CBX1: variants seen among roughly 807,000 people sequenced by gnomAD.
The protein encoded by CBX1 is chromobox protein homolog 1.
Under a neutral mutation model 25.1 loss-of-function variants are expected in CBX1, and 10 were observed. The observed-to-expected ratio is 0.40, with a 90% CI of 0.25 to 0.68. The LOEUF (loss-of-function observed/expected upper bound fraction) is 0.68, where lower values mean the gene tolerates loss of function less well. Among genes scored for constraint, CBX1 ranks in the 30% least tolerant of loss-of-function variants. The probability of loss-of-function intolerance (pLI) is 0.40; values close to 1 mark genes in which losing one functional copy is unlikely to be tolerated. For synonymous variants in CBX1, 63 were observed against 79.4 expected (o/e 0.79, Z 1.10); for missense variants, 106 against 218.5 (o/e 0.49, Z 3.25).
intron 1 of CBX1, among the ~76,000 whole-genome samples, chr17:48,095,546 A>C (rs1428329217): frequency 1.3e-5 from 2 of 152,212 alleles, no homozygotes; most frequent in Admixed American, 1.3e-4. Context: ...AACAAGAACA[A>C]AACTCCATCT....
intron 1 of CBX1, among the ~76,000 whole-genome samples, chr17:48,091,032 T>G (rs2063341371): frequency 2.0e-5 from 3 of 152,290 alleles, no homozygotes. Context: ...GCAAATTTCT[T>G]TAGAATAACA....
Position 48,082,529 on chromosome 17 carries a change from A to G in CBX1, c.-37-5488T>C, listed in dbSNP as rs566835351. On this transcript the variant is annotated intron_variant, in intron 1 of 4. Coordinates refer to ENST00000225603, the MANE Select transcript of CBX1 (RefSeq NM_001127228.2). Reference sequence around the variant, plus strand: ...AAAAAAAAAAAAAAAAAAAAAAGGAAAAATGATCTATAATTTTATTTATTT... The same window carrying G: ...AAAAAAAAAAAAAAAAAAAAAAGGAGAAATGATCTATAATTTTATTTATTT... Among the ~76,000 whole-genome samples the G allele has an allele frequency of 3.0e-3, 425 of 142,912 alleles. 25 individuals are homozygous for G. Among genetic ancestry groups the G allele is most frequent in the African/African-American group, 0.012 (414 of 34,194 alleles). The allele number at this position is 142,912 out of a possible 152,430, so 93.8% of individuals were successfully genotyped here. A position where few individuals can be genotyped will look rare whatever the true frequency, so the allele number is the denominator to read the frequency against.
At chr17:48,082,430 T>C (rs1481921593) in intron 1 of CBX1, among the ~76,000 whole-genome samples, 1 of 129,688 alleles carries the variant, frequency 7.7e-6, no homozygotes, top group Non-Finnish European at 1.5e-5. Flanking sequence ...TGAACTCGGG[T>C]AGCGGAGCTT....
intron 1 of CBX1, among the ~76,000 whole-genome samples, chr17:48,090,776 C>T (rs2063340243): frequency 6.6e-6 from 1 of 152,234 alleles, no homozygotes; most frequent in Admixed American, 6.5e-5. Context: ...GAGCCCCAGA[C>T]TGGGTTAACT....
Position 48,070,075 on chromosome 17 carries a change from T to C in CBX1, c.*1360A>G, listed in dbSNP as rs577782103. 2 of 152,752 alleles carry C rather than the reference T, an allele frequency of 1.3e-5. No individual in the cohort carries two copies. The highest frequency in any genetic ancestry group is 2.1e-4 in the South Asian group (1 of 4,828). The allele number at this position is 152,752 out of a possible 1,614,324, so 9.5% of individuals were successfully genotyped here. On this transcript the variant is annotated 3_prime_UTR_variant, in exon 5 of 5. Coordinates refer to ENST00000225603, the MANE Select transcript of CBX1 (RefSeq NM_001127228.2). ...AATCAGGGATTATAAATCTATAGTTTTATTAAGACAAAAACTGACAATGTA... is the reference window on the plus strand; with the variant it reads ...AATCAGGGATTATAAATCTATAGTTCTATTAAGACAAAAACTGACAATGTA...
At chr17:48,091,983 CTTTTTTTTTTT>C (rs56277117) in intron 1 of CBX1, among the ~76,000 whole-genome samples, 4 of 62,940 alleles carry the variant, frequency 6.4e-5, no homozygotes, top group Non-Finnish European at 8.2e-5. Flanking sequence ...CCAGCCAGAT[CTTTTTTTTTTT>C]TTTTTTTTTT....
At chr17:48,098,834 TA>T (rs1375043746) in intron 1 of CBX1, among the ~76,000 whole-genome samples, 1 of 152,038 alleles carries the variant, frequency 6.6e-6, no homozygotes, top group Non-Finnish European at 1.5e-5. Context: ...GATTTTTTTT[TA>T]AAAAAGGGAG....
At chr17:48,099,346 C>T (rs2063394493) in intron 1 of CBX1, among the ~76,000 whole-genome samples, 3 of 152,128 alleles carry the variant, frequency 2.0e-5, no homozygotes. Context: ...CCTCATGATC[C>T]GCCCACCTCA....
intron 1 of CBX1, among the ~76,000 whole-genome samples, chr17:48,090,599 G>C (rs2144460458): frequency 6.6e-6 from 1 of 152,264 alleles, no homozygotes; most frequent in South Asian, 2.1e-4. Flanking sequence ...ACACTAGCCA[G>C]TGATTTCAAA....
In CBX1 at chr17:48,101,348, G is replaced by A. The variant is rs1202862925; in HGVS notation, c.-118C>T. Reference sequence around the variant, plus strand: ...GCGTCGGGTCGCCTGGGGGAGTGGCGCCCAGGAAGGCAGCAAGCCGGGTGG... The same window carrying A: ...GCGTCGGGTCGCCTGGGGGAGTGGCACCCAGGAAGGCAGCAAGCCGGGTGG... On this transcript the variant is annotated 5_prime_UTR_variant, in exon 1 of 5. Transcript: ENST00000225603. 3.0e-6 allele frequency: 3 copies of A among 985,990 alleles called. No homozygotes were observed. The highest frequency in any genetic ancestry group is 4.6e-5 in the South Asian group (1 of 21,702). The allele number at this position is 985,990 out of a possible 1,614,324, so 61.1% of individuals were successfully genotyped here.
intron 1 of CBX1, among the ~76,000 whole-genome samples, chr17:48,092,380 G>A (rs1054580807): frequency 6.6e-6 from 1 of 151,572 alleles, no homozygotes; most frequent in South Asian, 2.1e-4. Context: ...CAGTTTAGGA[G>A]GCCAAGGCAA....
chr17:48,084,339 G>C (rs2037767720), intron 1 of CBX1, among the ~76,000 whole-genome samples: 2 of 146,320 alleles, frequency 1.4e-5, no homozygotes, highest in Non-Finnish European at 3.0e-5. Flanking sequence ...TCAGCCTCCT[G>C]AGTAGCTGGG....
chr17:48,075,917 T>C (rs2037670582), intron 3 of CBX1, 84 bp downstream of exon 3: 1 of 1,031,088 alleles, frequency 9.7e-7, no homozygotes, highest in Non-Finnish European at 1.4e-6. Context: ...AGACAGCTGC[T>C]AATATCAGGG....
In CBX1 at chr17:48,084,338, T is replaced by A. The variant is rs1326372394; in HGVS notation, c.-37-7297A>T. Among the ~76,000 whole-genome samples the A allele has an allele frequency of 2.7e-5, 4 of 147,270 alleles. 1 individual carries two copies. Among genetic ancestry groups the A allele is most frequent in the African/African-American group, 1.1e-4 (4 of 37,948 alleles). On this transcript the variant is annotated intron_variant, in intron 1 of 4. Transcript: ENST00000225603. The stretch of plus-strand genomic sequence containing the variant: ...AAGCGATTCTCCTGCCTCAGCCTCC[T>A]GAGTAGCTGGGATTACAGGTGCGTG...
At chr17:48,083,620 C>T (rs1366398832) in intron 1 of CBX1, among the ~76,000 whole-genome samples, 2 of 150,322 alleles carry the variant, frequency 1.3e-5, no homozygotes, top group South Asian at 2.1e-4. Flanking sequence ...GTCAGGAGTT[C>T]GAGACCAGCC....
At chr17:48,097,282 T>C (rs573379270) in intron 1 of CBX1, among the ~76,000 whole-genome samples, 12 of 150,136 alleles carry the variant, frequency 8.0e-5, no homozygotes, top group African/African-American at 2.9e-4. Flanking sequence ...CGCCACCACA[T>C]TGTACCCCAT....
intron 1 of CBX1, among the ~76,000 whole-genome samples, chr17:48,091,104 G>T (rs1052195840): frequency 6.6e-6 from 1 of 152,216 alleles, no homozygotes; most frequent in African/African-American, 2.4e-5. Flanking sequence ...GCACTCCAAG[G>T]TTAGGGAATA....
intron 1 of CBX1, among the ~76,000 whole-genome samples, chr17:48,078,992 C>T (rs926238670): frequency 8.2e-5 from 12 of 146,792 alleles, no homozygotes; most frequent in African/African-American, 3.1e-4. Context: ...GTTTCACCAA[C>T]GTTGGTCAAG....
chr17:48,095,037 ACT>A (rs998300139), intron 1 of CBX1, among the ~76,000 whole-genome samples: 23 of 150,986 alleles, frequency 1.5e-4, no homozygotes, highest in African/African-American at 5.6e-4. Flanking sequence ...ACAGAGCAAG[ACT>A]CTGCCTCAAA....
Sources: gnomAD v4.1 joint callset for allele counts (sites outside exome capture counted in the v4.1 genomes callset) on GRCh38, gnomAD v4.1.1 for gene constraint, MANE v1.5 for transcripts, NCBI Gene and HGNC (gene_info 2026-07-23, HGNC 2026-07-21) for gene names.